Variants in GRIK1 observed in about 807,000 individuals in gnomAD.
GRIK1 encodes glutamate ionotropic receptor kainate type subunit 1.
Under a neutral mutation model 105.7 loss-of-function variants are expected in GRIK1, and 69 were observed. That is an observed-to-expected ratio of 0.65 (90% CI 0.54 to 0.80). The LOEUF (loss-of-function observed/expected upper bound fraction) is 0.80, where lower values mean the gene tolerates loss of function less well. GRIK1 is among the 30% of genes least tolerant of loss of function. The pLI is 0.00. For missense variants in GRIK1, 1,109 were observed against 1,167.3 expected (o/e 0.95, Z 0.73); for synonymous variants, 438 against 431.3 (o/e 1.02, Z -0.19).
In GRIK1 at chr21:29,598,980, T is replaced by C. The variant is rs747551579; in HGVS notation, c.1099-43A>G. The C allele has an allele frequency of 4.6e-6, 4 of 872,864 alleles. No individual in the cohort carries two copies. The African/African-American group carries it at 5.1e-5, about 11-fold the overall frequency. 54.1% of individuals were successfully genotyped at this position (872,864 alleles called of 1,614,324 possible). A position where few individuals can be genotyped will look rare whatever the true frequency, so the allele number is the denominator to read the frequency against. On this transcript the variant is annotated intron_variant, in intron 7 of 17. Transcript: ENST00000327783. ...TGTGGCTGTTATTGTTAAACATTTA[T>C]CATAATTCCTGAGACCATCAAAATT... is the stretch of plus-strand genomic sequence containing the variant.
At chr21:29,753,886 G>A (rs2065269926) in intron 1 of GRIK1, among the ~76,000 whole-genome samples, 1 of 152,078 alleles carries the variant, frequency 6.6e-6, no homozygotes, top group African/African-American at 2.4e-5. Flanking sequence ...ATATAGTTAT[G>A]TAGATCATAT....
chr21:29,792,176 A>T (rs2066437138), intron 1 of GRIK1, among the ~76,000 whole-genome samples: 1 of 152,156 alleles, frequency 6.6e-6, no homozygotes, highest in Admixed American at 6.5e-5. Context: ...GTATGTGTAT[A>T]TGTATATGTG....
At chr21:29,617,104 A>G (rs1363284532) in intron 7 of GRIK1, among the ~76,000 whole-genome samples, 3 of 152,244 alleles carry the variant, frequency 2.0e-5, no homozygotes, top group Non-Finnish European at 4.4e-5. Flanking sequence ...AACTCCCTTG[A>G]AAGTATATTA....
intron 1 of GRIK1, among the ~76,000 whole-genome samples, chr21:29,777,608 A>G (rs150709354): frequency 7.4e-4 from 112 of 152,332 alleles, no homozygotes; most frequent in Non-Finnish European, 1.2e-3. Context: ...GACATAGGTG[A>G]GGTGGCAAGC....
chr21:29,754,111 T>G (rs1174868907), intron 1 of GRIK1, among the ~76,000 whole-genome samples: 1 of 152,208 alleles, frequency 6.6e-6, no homozygotes, highest in African/African-American at 2.4e-5. Context: ...TGTAAATTAC[T>G]CTGCATAGTA....
chr21:29,620,070 C>CAAA (rs1568896208), intron 7 of GRIK1, among the ~76,000 whole-genome samples: 1 of 152,146 alleles, frequency 6.6e-6, no homozygotes, highest in Admixed American at 6.5e-5. Flanking sequence ...GTGTCATCTG[C>CAAA]AAAGCTTGGC....
intron 1 of GRIK1, among the ~76,000 whole-genome samples, chr21:29,816,314 G>T (rs2067153130): frequency 6.6e-6 from 1 of 152,120 alleles, no homozygotes; most frequent in South Asian, 2.1e-4. Context: ...TGATGAGGAT[G>T]AGGAGAAAGG....
chr21:29,863,268 G>A (rs1316656179), intron 1 of GRIK1, among the ~76,000 whole-genome samples: 1 of 152,086 alleles, frequency 6.6e-6, no homozygotes, highest in Non-Finnish European at 1.5e-5. Flanking sequence ...TTCTGATTCA[G>A]TAAGTCAGGG....
chr21:29,731,323 T>A (rs554915938), intron 1 of GRIK1, among the ~76,000 whole-genome samples: 1 of 152,290 alleles, frequency 6.6e-6, no homozygotes, highest in Non-Finnish European at 1.5e-5. Flanking sequence ...GCCTTCAGCA[T>A]CCCCAAAAAA....
Position 29,588,989 on chromosome 21 carries a change from G to A in GRIK1, c.1419C>T (p.Asp473=), listed in dbSNP as rs756044619. Residue 473 remains aspartate, a synonymous_variant, in exon 11 of 18, where the codon GAC becomes GAT. Coordinates refer to ENST00000327783, the MANE Select transcript of GRIK1 (RefSeq NM_001330994.2). ...RKSDKPLYGN[D]RFEGYCLDLL... ...GGTCTAGGCAATATCCTTCAAATCTGTCATTTCCATATAGAGGCTTATCAG... is the reference window on the plus strand; with the variant it reads ...GGTCTAGGCAATATCCTTCAAATCTATCATTTCCATATAGAGGCTTATCAG... 10 of 1,604,972 alleles carry A rather than the reference G, an allele frequency of 6.2e-6. No homozygotes were observed. In the East Asian group the frequency reaches 1.8e-4, roughly 29 times the overall value.
chr21:29,635,872 GA>G (rs1568916998), intron 7 of GRIK1, among the ~76,000 whole-genome samples: 1 of 152,176 alleles, frequency 6.6e-6, no homozygotes, highest in Non-Finnish European at 1.5e-5. Flanking sequence ...AGCTTCCACT[GA>G]AATAGGAATC....
At chr21:29,600,829 A>T (rs2061504133) in intron 7 of GRIK1, among the ~76,000 whole-genome samples, 1 of 152,194 alleles carries the variant, frequency 6.6e-6, no homozygotes, top group African/African-American at 2.4e-5. Flanking sequence ...TCTCACGTTT[A>T]GCCTTTACTT....
intron 7 of GRIK1, among the ~76,000 whole-genome samples, chr21:29,638,518 A>G (rs532126208): frequency 6.6e-6 from 1 of 152,316 alleles, no homozygotes; most frequent in South Asian, 2.1e-4. Flanking sequence ...GTGGCAAAAT[A>G]ACAATTACCC....
intron 15 of GRIK1, among the ~76,000 whole-genome samples, chr21:29,561,155 T>G (rs1480101402): frequency 2.0e-5 from 3 of 152,214 alleles, no homozygotes; most frequent in African/African-American, 4.8e-5. Context: ...AATTTAATCT[T>G]TATCCTTTTT....
At chr21:29,837,279 A>G (rs1318295974) in intron 1 of GRIK1, among the ~76,000 whole-genome samples, 2 of 152,170 alleles carry the variant, frequency 1.3e-5, no homozygotes, top group Non-Finnish European at 2.9e-5. Context: ...GTTTTGGCAC[A>G]TAGGGGAGGC....
rs11909083 is a variant in GRIK1 at position 29,927,652 on chromosome 21, C to G, written c.118+11731G>C. On this transcript the variant is annotated intron_variant, in intron 1 of 17. Coordinates refer to ENST00000327783, the MANE Select transcript of GRIK1 (RefSeq NM_001330994.2). ...CTTTGGGAGGCCAAGGCAGGTGGAT[C>G]ATGAGGTCAGGAGATCGAGACCACC... is the stretch of plus-strand genomic sequence containing the variant. 3.3e-3 allele frequency among the ~76,000 whole-genome samples: 498 copies of G among 151,824 alleles called. 2 individuals carry two copies. Among genetic ancestry groups the G allele is most frequent in the African/African-American group, 0.012 (480 of 41,446 alleles).
intron 14 of GRIK1, among the ~76,000 whole-genome samples, chr21:29,562,681 A>G (rs74827275): frequency 0.075 from 11,385 of 152,042 alleles, 875 homozygotes; most frequent in African/African-American, 0.2. Context: ...AAAAATCTTC[A>G]TACTGTATTT....
At chr21:29,597,648 A>C (rs1407206111) in intron 8 of GRIK1, 1 of 468,698 alleles carries the variant, frequency 2.1e-6, no homozygotes, top group Non-Finnish European at 4.4e-6. Flanking sequence ...ACAGAGGGGC[A>C]AATCAGAGTG....
chr21:29,648,350 A>T (rs1001360017), intron 6 of GRIK1, among the ~76,000 whole-genome samples: 1 of 152,076 alleles, frequency 6.6e-6, no homozygotes, highest in African/African-American at 2.4e-5. Context: ...GACTAATTTT[A>T]AAAAAACACT....
Sources: gnomAD v4.1 joint callset for allele counts (sites outside exome capture counted in the v4.1 genomes callset) on GRCh38, gnomAD v4.1.1 for gene constraint, MANE v1.5 for transcripts, NCBI Gene and HGNC (gene_info 2026-07-23, HGNC 2026-07-21) for gene names.